The following LUZP1 variants were observed in gnomAD, a reference collection of about 807,000 sequenced individuals.
LUZP1 encodes the protein filamin mechanobinding actin cross-linking protein.
In LUZP1, 25 loss-of-function variants were observed where a neutral mutation model predicts 71.3. That is an observed-to-expected ratio of 0.35 (90% CI 0.26 to 0.49). The LOEUF (loss-of-function observed/expected upper bound fraction) is 0.49, where lower values mean the gene tolerates loss of function less well. Ranked by LOEUF, LUZP1 falls within the 20% of genes least tolerant of loss-of-function variation. The pLI is 0.99. For synonymous variants in LUZP1, 481 were observed against 506.4 expected, an observed-to-expected ratio of 0.95 and a Z score of 0.67; for missense variants, 1,142 against 1,300.8, an observed-to-expected ratio of 0.88 and a Z score of 1.88.
exon 5 of LUZP1, chr1:23,088,219 G>A (rs1643794784): frequency 1.3e-5 from 2 of 152,906 alleles, no homozygotes; most frequent in Admixed American, 6.5e-5. Context: ...GTTGGGGAGG[G>A]ATGATGTCAT....
At chr1:23,110,805 T>C (rs1306741530) in intron 2 of LUZP1, among the ~76,000 whole-genome samples, 1 of 151,668 alleles carries the variant, frequency 6.6e-6, no homozygotes, top group Non-Finnish European at 1.5e-5. Context: ...TTGAAAAGAA[T>C]TTTTTTTTGT....
At chr1:23,130,504 A>G (rs1644205867) in intron 2 of LUZP1, among the ~76,000 whole-genome samples, 1 of 148,954 alleles carries the variant, frequency 6.7e-6, no homozygotes, top group Non-Finnish European at 1.5e-5. Flanking sequence ...TATCCTTAGG[A>G]TCCACCAAGT....
At chr1:23,091,326 C>T (rs377235379) in exon 4 of LUZP1, 2 of 1,613,988 alleles carry the variant, frequency 1.2e-6, no homozygotes, top group Non-Finnish European at 1.7e-6. Context: ...TGAACTTGGT[C>T]CTACCCTTCG....
chr1:23,107,666 G>A (rs1643994337), intron 3 of LUZP1, among the ~76,000 whole-genome samples: 1 of 152,140 alleles, frequency 6.6e-6, no homozygotes, highest in Admixed American at 6.5e-5. Context: ...CCCAGGCGTG[G>A]TGGCACACAC....
At position 23,101,461 on chromosome 1, in the gene LUZP1, T is replaced by C. The variant is rs187322650; in HGVS notation, c.-119-7081A>G. Among the ~76,000 whole-genome samples the C allele has an allele frequency of 2.8e-3, 427 of 151,122 alleles. 4 individuals are homozygous for C. Among genetic ancestry groups the C allele is most frequent in the African/African-American group, 9.8e-3 (396 of 40,400 alleles). On this transcript the variant is annotated intron_variant, in intron 3 of 4. Coordinates refer to ENST00000302291, the Ensembl canonical transcript of LUZP1. ...AGTTTATATTCTTTTAAGAATACCA[T>C]ACTGTTTGGCCAAGTCACTGATTTT...
At chr1:23,141,098 C>A (rs941026639) in intron 2 of LUZP1, 1 of 152,324 alleles carries the variant, frequency 6.6e-6, no homozygotes, top group African/African-American at 2.4e-5. Context: ...GTCCCTACCA[C>A]CCCTCTACTC....
intron 2 of LUZP1, among the ~76,000 whole-genome samples, chr1:23,149,633 T>C (rs1211122268): frequency 3.3e-5 from 5 of 151,634 alleles, no homozygotes; most frequent in Non-Finnish European, 1.5e-5. Context: ...AAAAAGTGAG[T>C]GAGTGTAAAA....
At chr1:23,166,653 CAAAAAAAAAAAA>C (rs538327046) in intron 2 of LUZP1, among the ~76,000 whole-genome samples, 3 of 70,904 alleles carry the variant, frequency 4.2e-5, no homozygotes, top group Admixed American at 1.7e-4. Context: ...CACTCCGTCT[CAAAAAAAAAAAA>C]AAAAAAAAAA....
chr1:23,127,038 A>G (rs1005713691), intron 2 of LUZP1, among the ~76,000 whole-genome samples: 1 of 152,218 alleles, frequency 6.6e-6, no homozygotes, highest in Non-Finnish European at 1.5e-5. Context: ...TGGCAGTCAA[A>G]ATCACTTCGC....
intron 1 of LUZP1, among the ~76,000 whole-genome samples, chr1:23,170,892 A>G (rs973666415): frequency 1.3e-5 from 2 of 151,468 alleles, no homozygotes; most frequent in African/African-American, 2.4e-5. Context: ...GGAGTTTGAG[A>G]CCAGCCTGGG....
chr1:23,117,485 C>A lies in LUZP1; in HGVS notation c.-225-8358G>T, dbSNP rs1011031978. On this transcript the variant is annotated intron_variant, in intron 2 of 4. Transcript: ENST00000302291. ...TCTCTCTCTCTCTCTCTCCCCCCCC[C>A]CCCCCCACAATCAGGAAGCCCTGGG... 5.0e-4 allele frequency among the ~76,000 whole-genome samples: 35 copies of A among 69,752 alleles called. 1 individual carries two copies. The highest frequency in any genetic ancestry group is 1.3e-3 in the South Asian group (2 of 1,520). The allele number at this position is 69,752 out of a possible 152,430, so 45.8% of individuals were successfully genotyped here. A position where few individuals can be genotyped will look rare whatever the true frequency, so the allele number is the denominator to read the frequency against.
chr1:23,167,483 C>T (rs1644518987), intron 2 of LUZP1, among the ~76,000 whole-genome samples: 1 of 123,166 alleles, frequency 8.1e-6, no homozygotes, highest in African/African-American at 4.2e-5. Context: ...GAAGGTGCGA[C>T]GGTGGAGCTG....
chr1:23,134,294 A>C (rs1456352547), intron 2 of LUZP1, among the ~76,000 whole-genome samples: 1 of 152,080 alleles, frequency 6.6e-6, no homozygotes, highest in Non-Finnish European at 1.5e-5. Context: ...CAGCCTGGGC[A>C]ACACAGCAAG....
chr1:23,125,879 T>C (rs1289481421), intron 2 of LUZP1, among the ~76,000 whole-genome samples: 5 of 152,218 alleles, frequency 3.3e-5, no homozygotes, highest in East Asian at 1.9e-4. Flanking sequence ...TTGAAGATTA[T>C]TTCTATCGAC....
At chr1:23,166,753 T>C (rs2746553) in intron 2 of LUZP1, among the ~76,000 whole-genome samples, 79,002 of 151,496 alleles carry the variant, frequency 0.52, 21,284 homozygotes, top group African/African-American at 0.66. Flanking sequence ...AATTACTGGG[T>C]ACAGAATAGG....
intron 2 of LUZP1, among the ~76,000 whole-genome samples, chr1:23,136,222 CA>C (rs1297183624): frequency 6.6e-6 from 1 of 151,374 alleles, no homozygotes; most frequent in African/African-American, 2.4e-5. Flanking sequence ...AAGAAACAGA[CA>C]GGGCCAGGCG....
At chr1:23,131,219 C>CAAAAAAAAAAAA (rs71020480) in intron 2 of LUZP1, among the ~76,000 whole-genome samples, 1 of 45,036 alleles carries the variant, frequency 2.2e-5, no homozygotes, top group African/African-American at 1.0e-4. Flanking sequence ...GACTCCATCT[C>CAAAAAAAAAAAA]AAAAAAAAAA....
At chr1:23,090,041 A>G (rs937787533) in intron 4 of LUZP1, among the ~76,000 whole-genome samples, 1 of 152,170 alleles carries the variant, frequency 6.6e-6, no homozygotes, top group Non-Finnish European at 1.5e-5. Context: ...TACAGGTGTG[A>G]GCCACCACGC....
chr1:23,173,350 C>CTTT (rs869169060), intron 1 of LUZP1, among the ~76,000 whole-genome samples: 20 of 80,352 alleles, frequency 2.5e-4, no homozygotes, highest in Non-Finnish European at 4.1e-4. Context: ...TTTGTTTTTT[C>CTTT]TTTTTTTTTT....
Sources: gnomAD v4.1 joint callset for allele counts (sites outside exome capture counted in the v4.1 genomes callset) on GRCh38, gnomAD v4.1.1 for gene constraint, MANE v1.5 for transcripts, NCBI Gene and HGNC (gene_info 2026-07-23, HGNC 2026-07-21) for gene names.